FAM9B: variants seen among roughly 807,000 people sequenced by gnomAD.
FAM9B encodes the protein family with sequence similarity 9 member B, also known as protein FAM9B.
FAM9B carries 18 observed loss-of-function variants against 16.6 expected under a neutral mutation model. The observed-to-expected ratio is 1.09, with a 90% CI of 0.75 to 1.61. FAM9B has a LOEUF of 1.61. Among genes scored for constraint, FAM9B ranks in the 40% most tolerant of loss-of-function variants. The pLI is 0.00. For missense variants in FAM9B, 155 were observed against 136.0 expected (o/e 1.14, Z -0.70); for synonymous variants, 43 against 42.6 (o/e 1.01, Z -0.03).
intron 3 of FAM9B, 37 bp from the exon 4 acceptor site, chrX:9,032,198 C>T: frequency 8.3e-7 from 1 of 1,199,072 alleles, no homozygotes. Context: ...TAACAAAATA[C>T]TACACAAAAT....
At chrX:9,032,864 G>T in intron 2 of FAM9B, 95 bp downstream of exon 2, 1 of 1,122,313 alleles carries the variant, frequency 8.9e-7, no homozygotes, top group Non-Finnish European at 1.2e-6. Context: ...AGGGGCCTGG[G>T]GCCTCGGGCT....
chrX:9,025,493 A>G lies in FAM9B; in HGVS notation c.*22T>C. Reference sequence around the variant, plus strand: ...AATATGCACTACTTACAGTTCTGACATGATTTTATTTAAAAACATGTCTAG... The same window carrying G: ...AATATGCACTACTTACAGTTCTGACGTGATTTTATTTAAAAACATGTCTAG... On this transcript the variant is annotated 3_prime_UTR_variant, in exon 8 of 9. Coordinates refer to ENST00000327220, the MANE Select transcript of FAM9B (RefSeq NM_205849.3). 8.6e-7 allele frequency: 1 copy of G among 1,161,343 alleles called. No homozygotes were observed. The highest frequency in any genetic ancestry group is 2.4e-4 in the Middle Eastern group (1 of 4,165).
At chrX:9,030,792 CA>C (rs1158416932) in intron 4 of FAM9B, 18 of 112,371 alleles carry the variant, frequency 1.6e-4, no homozygotes, top group African/African-American at 5.8e-4. Flanking sequence ...ATAGAACCCT[CA>C]AAAGGGTAGA....
intron 8 of FAM9B, 21 bp downstream of exon 8, chrX:9,025,463 T>C: frequency 1.0e-6 from 1 of 973,291 alleles, no homozygotes; most frequent in Non-Finnish European, 1.4e-6. Context: ...GAGTTTTTAA[T>C]ATTAAATATG....
At chrX:9,029,807 C>T (rs1921015463) in intron 5 of FAM9B, among the ~76,000 whole-genome samples, 1 of 112,127 alleles carries the variant, frequency 8.9e-6, no homozygotes, top group South Asian at 3.7e-4. Context: ...AAAAACTTCA[C>T]TTAACTATTT....
rs764527334 is a variant in FAM9B, at chrX:9,026,569, G to C, written c.493-986C>G. The stretch of plus-strand genomic sequence containing the variant: ...CAATGAAGGATGGCTCAGAAGAGAA[G>C]AGAGAACTCAGAAAAGAGTTTAATA... On this transcript the variant is annotated intron_variant, in intron 7 of 8. Transcript: ENST00000327220. Among the ~76,000 whole-genome samples, 24 of 111,413 alleles carry C rather than the reference G, an allele frequency of 2.2e-4. No individual in the cohort carries two copies. In the Admixed American group the frequency reaches 2.3e-3, roughly 11 times the overall value.
Position 9,025,337 on chromosome X carries a change from G to A in FAM9B, c.*72C>T. ...TTTCTTCAGTCATCAGAATAACAGAGGTTGAAGAGACAACTGGGTAAGTGC... is the reference window on the plus strand; with the variant it reads ...TTTCTTCAGTCATCAGAATAACAGAAGTTGAAGAGACAACTGGGTAAGTGC... On this transcript the variant is annotated 3_prime_UTR_variant, in exon 9 of 9. Coordinates refer to ENST00000327220, the MANE Select transcript of FAM9B (RefSeq NM_205849.3). 1 of 386,766 alleles carries A rather than the reference G, an allele frequency of 2.6e-6. No individual in the cohort carries two copies. Among genetic ancestry groups the A allele is most frequent in the Non-Finnish European group, 4.5e-6 (1 of 221,957 alleles). 31.9% of individuals were successfully genotyped at this position (386,766 alleles called of 1,213,427 possible).
At chrX:9,025,840 C>T (rs1346319868) in intron 7 of FAM9B, among the ~76,000 whole-genome samples, 1 of 111,807 alleles carries the variant, frequency 8.9e-6, no homozygotes, top group African/African-American at 3.2e-5. Context: ...GGTTGAAGAA[C>T]ATCTTAAGGT....
Position 9,029,328 on chromosome X carries a change from CTCT to C in FAM9B, c.369_371del (p.Glu124del), listed in dbSNP as rs200007521. 285 of 1,200,457 alleles carry C rather than the reference CTCT, an allele frequency of 2.4e-4. No individual in the cohort carries two copies. The highest frequency in any genetic ancestry group is 2.1e-3 in the South Asian group (119 of 56,106). On this transcript the variant is annotated inframe_deletion, in exon 6 of 9. Coordinates refer to ENST00000327220, the MANE Select transcript of FAM9B (RefSeq NM_205849.3). ...CAACAATTAGTTCTTCCTCTTCTCC[CTCT>C]TCTTCTTCTTCCTCTTTCTGCTCGT...
rs754977449 is a variant in FAM9B, at chrX:9,034,000, A to G, written c.-238T>C. The G allele has an allele frequency of 1.2e-5, 6 of 489,463 alleles. No individual in the cohort carries two copies. In the African/African-American group the frequency reaches 1.6e-4, roughly 13 times the overall value. 40.3% of individuals were successfully genotyped at this position (489,463 alleles called of 1,213,427 possible). On this transcript the variant is annotated 5_prime_UTR_variant, in exon 1 of 9. Coordinates refer to ENST00000327220, the MANE Select transcript of FAM9B (RefSeq NM_205849.3). ...GGTTGCAGTGAGCCCAGATCACACC[A>G]CTGCACTGCAGCCTAGGCAGCAAGA... is the stretch of plus-strand genomic sequence containing the variant.
chrX:9,031,802 C>G (rs1324176922), intron 4 of FAM9B: 1 of 189,427 alleles, frequency 5.3e-6, no homozygotes, highest in African/African-American at 3.0e-5. Context: ...TGATATATGA[C>G]TTAATCTGTG....
chrX:9,033,489 C>T lies in FAM9B; in HGVS notation c.-90+363G>A, dbSNP rs1050626460. 52 of 552,601 alleles carry T rather than the reference C, an allele frequency of 9.4e-5. No individual in the cohort carries two copies. The East Asian group carries it at 1.1e-3, about 12-fold the overall frequency. The allele number at this position is 552,601 out of a possible 1,213,427, so 45.5% of individuals were successfully genotyped here. ...CGCACAGGGGACCCCCGGTGACCCC[C>T]GGTGACCCCAAGTGTCCTGTCCTGT... On this transcript the variant is annotated intron_variant, in intron 1 of 8. Transcript: ENST00000327220.
chrX:9,032,662 G>T (rs2146825593), intron 2 of FAM9B: 1 of 641,184 alleles, frequency 1.6e-6, no homozygotes, highest in Non-Finnish European at 2.3e-6. Flanking sequence ...TCGGGTTCAG[G>T]TTCCAGTAAA....
In FAM9B at chrX:9,030,261, CT is replaced by C. The variant is rs779844863; in HGVS notation, c.280del (p.Arg94GlyfsTer10). On this transcript the variant is annotated frameshift_variant and splice_region_variant, in exon 5 of 9. Coordinates refer to ENST00000327220, the MANE Select transcript of FAM9B (RefSeq NM_205849.3). LOFTEE classifies it high-confidence loss of function. Reference sequence around the variant, plus strand: ...TATGCAAAAAAGCCAACAGTCATACCTTTTAAGTTGCTTTTTTCTCAAAGCA... The same window carrying C: ...TATGCAAAAAAGCCAACAGTCATACCTTTAAGTTGCTTTTTTCTCAAAGCA... ...KHALRKKQLK[R>X]QKRDYIHSLK... The C allele has an allele frequency of 4.3e-5, 51 of 1,193,154 alleles. No individual in the cohort carries two copies. The highest frequency in any genetic ancestry group is 5.6e-5 in the Non-Finnish European group (50 of 886,491).
chrX:9,031,886 C>A (rs1921084463), intron 4 of FAM9B: 1 of 350,485 alleles, frequency 2.9e-6, no homozygotes, highest in Admixed American at 4.9e-5. Flanking sequence ...TAAATTTCCA[C>A]ATGTATGAAA....
intron 7 of FAM9B, among the ~76,000 whole-genome samples, chrX:9,027,443 T>C (rs1920977680): frequency 9.0e-6 from 1 of 111,408 alleles, no homozygotes; most frequent in African/African-American, 3.3e-5. Context: ...AAAATCTTCA[T>C]TAAAACCCAT....
At chrX:9,028,456 A>T (rs1356375018) in intron 6 of FAM9B, among the ~76,000 whole-genome samples, 2 of 111,350 alleles carry the variant, frequency 1.8e-5, no homozygotes, top group African/African-American at 6.5e-5. Flanking sequence ...ACTCACTCAC[A>T]CAGTCATCCC....
intron 6 of FAM9B, among the ~76,000 whole-genome samples, chrX:9,028,196 A>G (rs1051581157): frequency 1.8e-5 from 2 of 112,163 alleles, no homozygotes; most frequent in Admixed American, 9.5e-5. Context: ...TTACTTTTAC[A>G]CATTCAACAC....
intron 5 of FAM9B, among the ~76,000 whole-genome samples, chrX:9,029,929 G>A (rs1375852504): frequency 8.9e-6 from 1 of 111,994 alleles, no homozygotes; most frequent in African/African-American, 3.2e-5. Context: ...ATTGAGTATC[G>A]TTAAGGATCT....
Sources: allele counts gnomAD v4.1 joint callset (sites outside exome capture counted in the v4.1 genomes callset), GRCh38; gene constraint gnomAD v4.1.1; transcripts MANE v1.5; gene names NCBI Gene and HGNC (gene_info 2026-07-23, HGNC 2026-07-21).